ITPR2: variants seen among roughly 807,000 people sequenced by gnomAD.
ITPR2 encodes inositol 1,4,5-trisphosphate receptor type 2.
A neutral mutation model predicts 317.1 loss-of-function variants in ITPR2; 207 were observed. The observed-to-expected ratio is 0.65, with a 90% CI of 0.58 to 0.73. ITPR2 has a LOEUF of 0.73. Among genes scored for constraint, ITPR2 ranks in the 30% least tolerant of loss-of-function variants. The probability of loss-of-function intolerance (pLI) is 0.00; values close to 1 mark genes in which losing one functional copy is unlikely to be tolerated. For synonymous variants in ITPR2, 1,156 were observed against 1,149.1 expected, an observed-to-expected ratio of 1.01 and a Z score of -0.12; for missense variants, 2,613 against 3,284.0, an observed-to-expected ratio of 0.80 and a Z score of 4.99.
chr12:26,360,191 T>C (rs1938781654), intron 55 of ITPR2, among the ~76,000 whole-genome samples: 1 of 152,182 alleles, frequency 6.6e-6, no homozygotes, highest in Non-Finnish European at 1.5e-5. Flanking sequence ...GAAAGCAAGC[T>C]CTGAGGCTTT....
At chr12:26,466,510 A>G (rs1942174452) in intron 45 of ITPR2, among the ~76,000 whole-genome samples, 1 of 152,216 alleles carries the variant, frequency 6.6e-6, no homozygotes, top group African/African-American at 2.4e-5. Context: ...TTCTCATTCA[A>G]CCTCAAATTC....
chr12:26,645,205 T>C (rs1254640957), intron 21 of ITPR2, among the ~76,000 whole-genome samples: 2 of 152,212 alleles, frequency 1.3e-5, no homozygotes, highest in African/African-American at 2.4e-5. Context: ...CAATACGTAA[T>C]TCTAGAGTTG....
At chr12:26,823,707 A>T (rs1950971467) in intron 1 of ITPR2, among the ~76,000 whole-genome samples, 2 of 152,204 alleles carry the variant, frequency 1.3e-5, no homozygotes, top group South Asian at 4.1e-4. Flanking sequence ...CTTATTCTTA[A>T]TTCAAGGTTG....
At chr12:26,530,835 T>C (rs187617105) in intron 37 of ITPR2, among the ~76,000 whole-genome samples, 1 of 152,354 alleles carries the variant, frequency 6.6e-6, no homozygotes, top group Admixed American at 6.5e-5. Flanking sequence ...TGAGTTGTCT[T>C]AATGCAACTG....
chr12:26,388,982 C>A (rs1939751300), intron 54 of ITPR2, among the ~76,000 whole-genome samples: 1 of 152,210 alleles, frequency 6.6e-6, no homozygotes, highest in Non-Finnish European at 1.5e-5. Flanking sequence ...CCGCCTCTCA[C>A]ACAGCACATC....
chr12:26,368,140 A>AT (rs1431039911), intron 55 of ITPR2, among the ~76,000 whole-genome samples: 1 of 152,162 alleles, frequency 6.6e-6, no homozygotes, highest in African/African-American at 2.4e-5. Flanking sequence ...TTGGTATATG[A>AT]TTTCCCTATC....
chr12:26,469,744 A>C (rs1033515065), intron 45 of ITPR2, among the ~76,000 whole-genome samples: 2 of 151,992 alleles, frequency 1.3e-5, no homozygotes, highest in African/African-American at 2.4e-5. Context: ...GCATCTGTGA[A>C]ACTCAATGAA....
chr12:26,765,950 CTA>C (rs1482876841), intron 2 of ITPR2, among the ~76,000 whole-genome samples: 8 of 152,150 alleles, frequency 5.3e-5, no homozygotes, highest in Non-Finnish European at 1.0e-4. Context: ...CAAGGCTGAT[CTA>C]TGTTGTAGCA....
intron 37 of ITPR2, among the ~76,000 whole-genome samples, chr12:26,505,840 G>A (rs2136901894): frequency 6.6e-6 from 1 of 152,198 alleles, no homozygotes; most frequent in Admixed American, 6.5e-5. Context: ...ATTTGATGCT[G>A]AGTGCCAACC....
intron 33 of ITPR2, 95 bp downstream of exon 33, chr12:26,579,932 A>C (rs931472381): frequency 2.3e-6 from 2 of 885,048 alleles, no homozygotes; most frequent in African/African-American, 3.4e-5. Flanking sequence ...TAAACATCTG[A>C]AGTGTAGGAG....
chr12:26,689,359 T>G (rs866324823), intron 10 of ITPR2, among the ~76,000 whole-genome samples: 1 of 151,904 alleles, frequency 6.6e-6, no homozygotes. Flanking sequence ...GAGGCCACAG[T>G]GAGCCAAGAT....
intron 49 of ITPR2, among the ~76,000 whole-genome samples, chr12:26,425,440 G>C (rs545859642): frequency 4.0e-5 from 6 of 151,146 alleles, no homozygotes; most frequent in African/African-American, 9.9e-5. Context: ...AGGCCAAGGC[G>C]GGTGGATCAT....
intron 37 of ITPR2, among the ~76,000 whole-genome samples, chr12:26,517,864 AAACT>A (rs1354854148): frequency 6.6e-6 from 1 of 152,066 alleles, no homozygotes; most frequent in African/African-American, 2.4e-5. Context: ...AACAAAACAA[AAACT>A]AACAGATGAT....
chr12:26,770,503 G>C (rs1949820331), intron 2 of ITPR2, among the ~76,000 whole-genome samples: 2 of 152,108 alleles, frequency 1.3e-5, no homozygotes, highest in Non-Finnish European at 2.9e-5. Context: ...ACAGTCTCTT[G>C]AGTTTAAAGG....
intron 1 of ITPR2, among the ~76,000 whole-genome samples, chr12:26,817,609 T>C (rs1265778226): frequency 6.6e-6 from 1 of 152,220 alleles, no homozygotes; most frequent in Non-Finnish European, 1.5e-5. Flanking sequence ...CAAAGTCTGA[T>C]TATTTCATTC....
chr12:26,397,534 AT>A (rs1292955291), intron 54 of ITPR2, among the ~76,000 whole-genome samples: 4 of 152,086 alleles, frequency 2.6e-5, no homozygotes, highest in Admixed American at 1.3e-4. Context: ...TATCAAGGCT[AT>A]TTATTGTGTT....
intron 2 of ITPR2, among the ~76,000 whole-genome samples, chr12:26,752,627 C>A (rs2137107798): frequency 6.6e-6 from 1 of 152,352 alleles, no homozygotes; most frequent in South Asian, 2.1e-4. Flanking sequence ...AAAGGGCAAG[C>A]TGCTGCACTT....
At chr12:26,474,737 T>A (rs1942372815) in intron 45 of ITPR2, among the ~76,000 whole-genome samples, 1 of 130,000 alleles carries the variant, frequency 7.7e-6, no homozygotes, top group African/African-American at 3.0e-5. Context: ...GAGCTTGCAG[T>A]GAGCCGAGAT....
At chr12:26,376,664 T>C (rs1433027464) in intron 55 of ITPR2, among the ~76,000 whole-genome samples, 5 of 152,354 alleles carry the variant, frequency 3.3e-5, no homozygotes, top group African/African-American at 1.2e-4. Context: ...AGGGCTTCCC[T>C]TAACTTTCAG....
Sources: allele counts gnomAD v4.1 joint callset (sites outside exome capture counted in the v4.1 genomes callset), GRCh38; gene constraint gnomAD v4.1.1; transcripts MANE v1.5; gene names NCBI Gene and HGNC (gene_info 2026-07-23, HGNC 2026-07-21).